Variants in TCF7L2 observed in about 807,000 individuals in gnomAD.
The protein encoded by TCF7L2 is transcription factor 7 like 2.
TCF7L2 carries 23 observed loss-of-function variants against 77.9 expected under a neutral mutation model. The ratio of observed to expected loss-of-function variants is 0.30; its 90% confidence interval spans 0.21 to 0.42. TCF7L2 has a LOEUF of 0.42. TCF7L2 is among the 10% of genes least tolerant of loss of function. The pLI, the probability that TCF7L2 is intolerant of heterozygous loss-of-function variation, is 1.00. For synonymous variants in TCF7L2, 413 were observed against 340.2 expected, an observed-to-expected ratio of 1.21 and a Z score of -2.36; for missense variants, 654 against 793.1, an observed-to-expected ratio of 0.82 and a Z score of 2.11.
At chr10:112,970,564 C>G (rs548378242) in intron 4 of TCF7L2, among the ~76,000 whole-genome samples, 4 of 151,946 alleles carry the variant, frequency 2.6e-5, no homozygotes, top group Non-Finnish European at 5.9e-5. Flanking sequence ...GGTGCGTTGA[C>G]ACAGAGTCTA....
chr10:113,039,950 T>C (rs992417879), intron 4 of TCF7L2, 75 bp from the exon 5 acceptor site: 1 of 1,297,640 alleles, frequency 7.7e-7, no homozygotes, highest in East Asian at 2.4e-5. Context: ...GTCACAGTTA[T>C]TTCTTGGGCT....
intron 5 of TCF7L2, among the ~76,000 whole-genome samples, chr10:113,091,546 G>A (rs568862331): frequency 5.3e-5 from 8 of 152,210 alleles, no homozygotes; most frequent in South Asian, 2.1e-4. Context: ...GTGAAACCCC[G>A]TCTCTACTAA....
rs757636212 is a variant in TCF7L2 at position 112,950,831 on chromosome 10, C to T, written c.75C>T (p.Gly25=). The stretch of plus-strand genomic sequence containing the variant: ...AACTGATTTCCTTCAAAGACGAGGG[C>T]GAACAGGAGGAGAAGAGCTCCGAAA... The change falls in exon 1 of 14, where the codon GGC becomes GGT. Residue 25 remains glycine, a synonymous_variant. Coordinates refer to ENST00000627217, the MANE Select transcript of TCF7L2 (RefSeq NM_001146274.2). 13 of 1,605,558 alleles carry T rather than the reference C, an allele frequency of 8.1e-6. No individual in the cohort carries two copies. In the East Asian group the frequency reaches 2.2e-4, roughly 28 times the overall value.
At position 113,038,585 on chromosome 10, in the gene TCF7L2, A is replaced by G. The variant is rs561298052; in HGVS notation, c.451-1440A>G. 1.4e-4 allele frequency among the ~76,000 whole-genome samples: 22 copies of G among 152,296 alleles called. No homozygotes were observed. In the East Asian group the frequency reaches 3.9e-3, roughly 27 times the overall value. On this transcript the variant is annotated intron_variant, in intron 4 of 13. Transcript: ENST00000627217. ...CTTCTGTCTCTCGTGGGATTTGTGCAAACCCTTCTTTCTGTATTATCCTTT... is the reference window on the plus strand; with the variant it reads ...CTTCTGTCTCTCGTGGGATTTGTGCGAACCCTTCTTTCTGTATTATCCTTT...
At chr10:113,022,496 G>C (rs866435708) in intron 4 of TCF7L2, among the ~76,000 whole-genome samples, 2 of 152,206 alleles carry the variant, frequency 1.3e-5, no homozygotes, top group African/African-American at 2.4e-5. Context: ...ATGAGTGGGA[G>C]TAGGGGCCAG....
At chr10:113,030,552 T>C (rs2050038516) in intron 4 of TCF7L2, among the ~76,000 whole-genome samples, 1 of 152,248 alleles carries the variant, frequency 6.6e-6, no homozygotes, top group Non-Finnish European at 1.5e-5. Flanking sequence ...ACAAGATTGA[T>C]ATTAAAGTGA....
chr10:113,105,249 G>T (rs2062146816), intron 5 of TCF7L2, among the ~76,000 whole-genome samples: 1 of 152,174 alleles, frequency 6.6e-6, no homozygotes, highest in Non-Finnish European at 1.5e-5. Context: ...GGACTGAGTT[G>T]TTGCCTTTAG....
intron 4 of TCF7L2, among the ~76,000 whole-genome samples, chr10:112,995,185 G>T (rs1472027891): frequency 6.6e-6 from 1 of 152,210 alleles, no homozygotes; most frequent in Non-Finnish European, 1.5e-5. Flanking sequence ...GGGTAGAGAT[G>T]GGAACCCAGG....
chr10:113,034,082 G>C (rs1298892180), intron 4 of TCF7L2, among the ~76,000 whole-genome samples: 2 of 152,152 alleles, frequency 1.3e-5, no homozygotes, highest in African/African-American at 4.8e-5. Context: ...ATTTTCCATC[G>C]TCCATTTCTG....
intron 4 of TCF7L2, among the ~76,000 whole-genome samples, chr10:113,038,944 C>T (rs947783387): frequency 3.3e-5 from 5 of 152,132 alleles, no homozygotes; most frequent in Non-Finnish European, 7.4e-5. Context: ...AGGAGGTCTC[C>T]GAAATGACCA....
At chr10:113,023,191 G>T (rs1275057720) in intron 4 of TCF7L2, among the ~76,000 whole-genome samples, 1 of 152,212 alleles carries the variant, frequency 6.6e-6, no homozygotes, top group Non-Finnish European at 1.5e-5. Context: ...CACTTGAGGT[G>T]CTTGCGATTG....
At chr10:113,092,868 G>C (rs897083483) in intron 5 of TCF7L2, among the ~76,000 whole-genome samples, 1 of 152,088 alleles carries the variant, frequency 6.6e-6, no homozygotes, top group Non-Finnish European at 1.5e-5. Context: ...CCCTCGGCTG[G>C]GGGGGTTGGT....
At chr10:113,017,123 A>G (rs562830889) in intron 4 of TCF7L2, among the ~76,000 whole-genome samples, 1 of 152,330 alleles carries the variant, frequency 6.6e-6, no homozygotes, top group African/African-American at 2.4e-5. Flanking sequence ...CTCAAATCCT[A>G]GCCTGTCATG....
intron 5 of TCF7L2, among the ~76,000 whole-genome samples, chr10:113,077,816 T>C (rs11817385): frequency 0.66 from 99,126 of 149,842 alleles, 33,732 homozygotes; most frequent in African/African-American, 0.8. Flanking sequence ...TCACCTGCCT[T>C]GGCCTCCTGT....
chr10:113,156,133 T>G lies in TCF7L2; in HGVS notation c.1270-1888T>G, dbSNP rs1268791621. On this transcript the variant is annotated intron_variant, in intron 11 of 13. Transcript: ENST00000627217. ...TTTCTTTCTTTTTTTTTTTTTTTTT[T>G]GAGACTGAGTCTTGTTCTGTCACCA... Among the ~76,000 whole-genome samples, 4 of 122,382 alleles carry G rather than the reference T, an allele frequency of 3.3e-5. No homozygotes were observed. In the East Asian group the frequency reaches 1.0e-3, roughly 31 times the overall value. The allele number at this position is 122,382 out of a possible 152,430, so 80.3% of individuals were successfully genotyped here.
At chr10:113,135,357 C>G (rs144164340) in intron 5 of TCF7L2, among the ~76,000 whole-genome samples, 94 of 151,992 alleles carry the variant, frequency 6.2e-4, no homozygotes, top group Middle Eastern at 6.8e-3. Flanking sequence ...GCTTTGTGTG[C>G]CTTGAGGGCT....
chr10:113,102,234 C>A lies in TCF7L2; in HGVS notation c.553-38950C>A, dbSNP rs577439491. 2.0e-5 allele frequency among the ~76,000 whole-genome samples: 3 copies of A among 151,118 alleles called. No individual in the cohort carries two copies. In the South Asian group the frequency reaches 6.3e-4, roughly 32 times the overall value. On this transcript the variant is annotated intron_variant, in intron 5 of 13. Coordinates refer to ENST00000627217, the MANE Select transcript of TCF7L2 (RefSeq NM_001146274.2). ...TGTGCTCTGTACTCTGAGCTCAAAC[C>A]TTGGCTTTGCCTCTGACCAGCTGAA...
rs10885411 is a variant in TCF7L2 at position 113,073,308 on chromosome 10, A to G, written c.552+33182A>G. Among the ~76,000 whole-genome samples the G allele has an allele frequency of 9.8e-3, 1,487 of 151,698 alleles. 4 individuals carry two copies. The highest frequency in any genetic ancestry group is 0.013 in the Non-Finnish European group (891 of 67,938). Reference sequence around the variant, plus strand: ...TCCCTGTCCTGCTTGGGTCCTCCAGAGAAAGAAATGTTGAATTATCATCTT... The same window carrying G: ...TCCCTGTCCTGCTTGGGTCCTCCAGGGAAAGAAATGTTGAATTATCATCTT... On this transcript the variant is annotated intron_variant, in intron 5 of 13. Transcript: ENST00000627217.
chr10:113,019,406 A>G (rs773949100), intron 4 of TCF7L2, among the ~76,000 whole-genome samples: 12 of 151,832 alleles, frequency 7.9e-5, no homozygotes, highest in Non-Finnish European at 1.3e-4. Context: ...GTGGCCCATG[A>G]GTCCTTCTGG....
Sources: gnomAD v4.1 joint callset for allele counts (sites outside exome capture counted in the v4.1 genomes callset) on GRCh38, gnomAD v4.1.1 for gene constraint, MANE v1.5 for transcripts, NCBI Gene and HGNC (gene_info 2026-07-23, HGNC 2026-07-21) for gene names.